Variants in RND3 observed in about 807,000 individuals in gnomAD.
RND3 encodes the protein rho-related GTP-binding protein RhoE.
A neutral mutation model predicts 26.5 loss-of-function variants in RND3; 8 were observed. That is an observed-to-expected ratio of 0.30 (90% CI 0.18 to 0.54). The LOEUF (loss-of-function observed/expected upper bound fraction) is 0.54. RND3 is among the 20% of genes least tolerant of loss of function. RND3 has a pLI of 0.94. For missense variants in RND3, 207 were observed against 302.8 expected (o/e 0.68, Z 2.35); for synonymous variants, 113 against 113.0 (o/e 1.00, Z 0.00).
rs1686196432 is a variant in RND3 at position 150,478,074 on chromosome 2, TTAGA to T, written c.239-3094_239-3091del. ...TTTGATAGGTTAAGTTTATCTTGTCTTAGATAGAAATATCTATTGTCTCTATTTA... is the reference window on the plus strand; with the variant it reads ...TTTGATAGGTTAAGTTTATCTTGTCTTAGAAATATCTATTGTCTCTATTTA... On this transcript the variant is annotated intron_variant, in intron 3 of 5. Transcript: ENST00000263895. 2.0e-5 allele frequency among the ~76,000 whole-genome samples: 3 copies of T among 152,218 alleles called. No homozygotes were observed. In the East Asian group the frequency reaches 5.8e-4, roughly 29 times the overall value.
intron 3 of RND3, 37 bp from the exon 4 acceptor site, chr2:150,475,021 G>A: frequency 7.6e-7 from 1 of 1,313,268 alleles, no homozygotes; most frequent in Admixed American, 1.7e-5. Flanking sequence ...TTTCAGATGA[G>A]AGTCCCCTTG....
intron 3 of RND3, among the ~76,000 whole-genome samples, chr2:150,482,973 T>C (rs1686300469): frequency 6.6e-6 from 1 of 152,144 alleles, no homozygotes; most frequent in African/African-American, 2.4e-5. Flanking sequence ...CCATGCTTAA[T>C]TAACACTGTA....
chr2:150,483,156 G>A (rs758583642), intron 3 of RND3, among the ~76,000 whole-genome samples: 9 of 152,136 alleles, frequency 5.9e-5, no homozygotes, highest in Non-Finnish European at 1.0e-4. Flanking sequence ...TCACTTGGTA[G>A]TCTTTCTCAC....
rs922336508 is a variant in RND3 at position 150,469,124 on chromosome 2, A to T, written c.*863T>A. ...GTAACTACCTTTTTTCTCTCCTTGG[A>T]TCATTCTATGACATCAAACCAAGAC... On this transcript the variant is annotated 3_prime_UTR_variant, in exon 6 of 6. Coordinates refer to ENST00000263895, the MANE Select transcript of RND3 (RefSeq NM_005168.5). 3 of 152,522 alleles carry T rather than the reference A, an allele frequency of 2.0e-5. No individual in the cohort carries two copies. The highest frequency in any genetic ancestry group is 4.4e-5 in the Non-Finnish European group (3 of 68,004). 9.4% of individuals were successfully genotyped at this position (152,522 alleles called of 1,614,324 possible). A position where few individuals can be genotyped will look rare whatever the true frequency, so the allele number is the denominator to read the frequency against.
intron 3 of RND3, among the ~76,000 whole-genome samples, chr2:150,484,883 G>C (rs1308283719): frequency 6.6e-6 from 1 of 152,146 alleles, no homozygotes; most frequent in Non-Finnish European, 1.5e-5. Flanking sequence ...AATTTTTATC[G>C]TGCATTAGGT....
At chr2:150,487,112 A>G in intron 2 of RND3, 156 bp downstream of exon 2, 1 of 662,710 alleles carries the variant, frequency 1.5e-6, no homozygotes. Context: ...CTTTCCCCGC[A>G]GTCTAATCAG....
Position 150,486,632 on chromosome 2 carries a change from G to T in RND3, c.238+62C>A. On this transcript the variant is annotated intron_variant, in intron 3 of 5. Coordinates refer to ENST00000263895, the MANE Select transcript of RND3 (RefSeq NM_005168.5). This position sits in a 1 kb window ranked among gnomAD's most constrained non-coding sequence, Gnocchi z 4.5. ...TGTAGCGCGCGGTTTCCCGAGACCC[G>T]CCGCGCATCCCCCAGCGACTGGAAA... 3 of 1,202,174 alleles carry T rather than the reference G, an allele frequency of 2.5e-6. No homozygotes were observed. Among genetic ancestry groups the T allele is most frequent in the Non-Finnish European group, 2.5e-6 (2 of 804,634 alleles). 74.5% of individuals were successfully genotyped at this position (1,202,174 alleles called of 1,614,324 possible). A position where few individuals can be genotyped will look rare whatever the true frequency, so the allele number is the denominator to read the frequency against.
chr2:150,473,613 G>A lies in RND3; in HGVS notation c.348+1262C>T, dbSNP rs182994792. Among the ~76,000 whole-genome samples, 8 of 152,174 alleles carry A rather than the reference G, an allele frequency of 5.3e-5. No homozygotes were observed. The East Asian group carries it at 1.5e-3, about 29-fold the overall frequency. Reference sequence around the variant, plus strand: ...AGATATGTATTACTCAAAATTGAAAGGAGCTAAAAAGGAAAAAAGAGTCTT... The same window carrying A: ...AGATATGTATTACTCAAAATTGAAAAGAGCTAAAAAGGAAAAAAGAGTCTT... On this transcript the variant is annotated intron_variant, in intron 4 of 5. Coordinates refer to ENST00000263895, the MANE Select transcript of RND3 (RefSeq NM_005168.5).
Position 150,477,847 on chromosome 2 carries a change from G to C in RND3, c.239-2863C>G, listed in dbSNP as rs544663413. ...GGAGGTAGACAGGTAATTTTTAAGA[G>C]GTTTAACATGATCTAATTAGGGATG... On this transcript the variant is annotated intron_variant, in intron 3 of 5. Transcript: ENST00000263895. Among the ~76,000 whole-genome samples, 3 of 152,158 alleles carry C rather than the reference G, an allele frequency of 2.0e-5. No homozygotes were observed. The South Asian group carries it at 6.2e-4, about 32-fold the overall frequency.
intron 4 of RND3, among the ~76,000 whole-genome samples, chr2:150,473,316 T>C (rs1425535165): frequency 6.6e-6 from 1 of 152,202 alleles, no homozygotes; most frequent in Non-Finnish European, 1.5e-5. Flanking sequence ...AAAGTCACTA[T>C]TCATTTGGTC....
chr2:150,473,758 A>T (rs1030971655), intron 4 of RND3, among the ~76,000 whole-genome samples: 1 of 152,248 alleles, frequency 6.6e-6, no homozygotes, highest in Non-Finnish European at 1.5e-5. Flanking sequence ...CAAGCCAAGC[A>T]ATCAAATATA....
intron 3 of RND3, among the ~76,000 whole-genome samples, chr2:150,482,385 C>T (rs1372005008): frequency 6.6e-6 from 1 of 152,096 alleles, no homozygotes; most frequent in Admixed American, 6.5e-5. Flanking sequence ...GCAAATGTGG[C>T]CAATTTTGAA....
intron 3 of RND3, among the ~76,000 whole-genome samples, chr2:150,481,447 C>T (rs1445377207): frequency 1.3e-5 from 2 of 152,196 alleles, no homozygotes; most frequent in African/African-American, 2.4e-5. Flanking sequence ...CACCTAAACA[C>T]CTGACACTTA....
intron 3 of RND3, among the ~76,000 whole-genome samples, chr2:150,475,855 G>A (rs921073060): frequency 6.6e-6 from 1 of 152,134 alleles, no homozygotes; most frequent in Non-Finnish European, 1.5e-5. Context: ...ATTAAGTCCA[G>A]GGTACCCTAA....
At chr2:150,482,967 G>C (rs1357803484) in intron 3 of RND3, among the ~76,000 whole-genome samples, 1 of 152,168 alleles carries the variant, frequency 6.6e-6, no homozygotes, top group Non-Finnish European at 1.5e-5. Context: ...GCAGGACCAT[G>C]CTTAATTAAC....
chr2:150,487,313 T>C lies in RND3; in HGVS notation c.105A>G (p.Gly35=), dbSNP rs757321432. Reference sequence around the variant, plus strand: ...CGAAGACATGGAGCAGCGCAGTTTTTCCACACTGACTGTCTCCCACCACAA... The same window carrying C: ...CGAAGACATGGAGCAGCGCAGTTTTCCCACACTGACTGTCTCCCACCACAA... ...KIVVVGDSQC[G]KTALLHVFAK... is the part of the protein sequence containing the mutation. Residue 35 remains glycine, a synonymous_variant, in exon 2 of 6, where the codon GGA becomes GGG. Transcript: ENST00000263895. 4 of 1,604,962 alleles carry C rather than the reference T, an allele frequency of 2.5e-6. No individual in the cohort carries two copies. The Admixed American group carries it at 5.1e-5, about 20-fold the overall frequency.
In RND3 at chr2:150,486,956, C is replaced by T; in HGVS notation, c.151-175G>A. 3.1e-6 allele frequency: 2 copies of T among 635,416 alleles called. No individual in the cohort carries two copies. The highest frequency in any genetic ancestry group is 5.7e-6 in the Non-Finnish European group (2 of 352,088). The allele number at this position is 635,416 out of a possible 1,614,324, so 39.4% of individuals were successfully genotyped here. On this transcript the variant is annotated intron_variant, in intron 2 of 5. Coordinates refer to ENST00000263895, the MANE Select transcript of RND3 (RefSeq NM_005168.5). The surrounding 1 kb of genome is among the most constrained non-coding windows in gnomAD (Gnocchi z 4.5). ...CCCTTTCCGAAACCCCTGTCCTACTCCCCACTCACCCCACCCGGCTCTCAC... is the reference window on the plus strand; with the variant it reads ...CCCTTTCCGAAACCCCTGTCCTACTTCCCACTCACCCCACCCGGCTCTCAC...
rs1686057369 is a variant in RND3 at position 150,470,033 on chromosome 2, G to C, written c.689C>G (p.Ala230Gly). The change falls in exon 6 of 6, where the codon GCT becomes GGT. Residue 230 changes from alanine (A) to glycine (G), a missense_variant. Transcript: ENST00000263895. ...CGCTTTGTCCTTTCGTAAGTCCGTA[G>C]CAACTGCCGAGAGTTCTGGTCTGCT... ...MPSRPELSAV[A>G]TDLRKDKAKS... 1 of 1,613,976 alleles carries C rather than the reference G, an allele frequency of 6.2e-7. No individual in the cohort carries two copies. Among genetic ancestry groups the C allele is most frequent in the Admixed American group, 1.7e-5 (1 of 59,970 alleles).
At chr2:150,487,246 A>T (rs1179298798) in intron 2 of RND3, 22 bp downstream of exon 2, 2 of 1,557,450 alleles carry the variant, frequency 1.3e-6, no homozygotes, top group African/African-American at 1.4e-5. Flanking sequence ...CCCTCGTGGA[A>T]GCCGCGGCCG....
Sources: gnomAD v4.1 joint callset for allele counts (sites outside exome capture counted in the v4.1 genomes callset) on GRCh38, gnomAD v4.1.1 for gene constraint, Gnocchi (gnomAD v3.1) non-coding constraint, MANE v1.5 for transcripts, NCBI Gene and HGNC (gene_info 2026-07-23, HGNC 2026-07-21) for gene names.